SCN1A: variants seen among roughly 807,000 people sequenced by gnomAD.
SCN1A encodes the protein sodium voltage-gated channel alpha subunit 1.
A neutral mutation model predicts 193.7 loss-of-function variants in SCN1A; 13 were observed. The observed-to-expected ratio is 0.07, with a 90% CI of 0.04 to 0.11. SCN1A has a LOEUF of 0.11. Ranked by LOEUF, SCN1A falls within the 10% of genes least tolerant of loss-of-function variation. The probability of loss-of-function intolerance (pLI) is 1.00; values close to 1 mark genes in which losing one functional copy is unlikely to be tolerated. For missense variants in SCN1A, 1,432 were observed against 2,451.1 expected, an observed-to-expected ratio of 0.58 and a Z score of 8.78; for synonymous variants, 781 against 843.6, an observed-to-expected ratio of 0.93 and a Z score of 1.29.
chr2:166,056,569 T>C lies in SCN1A; in HGVS notation c.384-69A>G, dbSNP rs141300300. On this transcript the variant is annotated intron_variant, in intron 5 of 28. Transcript: ENST00000674923. The stretch of plus-strand genomic sequence containing the variant: ...AGTGTTATATTACAAAAAGCTAACA[T>C]TGAAAAGCCCAAACTGCAGCTTAGC... 220 of 1,170,172 alleles carry C rather than the reference T, an allele frequency of 1.9e-4. 1 individual carries two copies. The highest frequency in any genetic ancestry group is 1.7e-4 in the African/African-American group (11 of 66,214). The allele number at this position is 1,170,172 out of a possible 1,614,324, so 72.5% of individuals were successfully genotyped here. A position where few individuals can be genotyped will look rare whatever the true frequency, so the allele number is the denominator to read the frequency against.
chr2:166,096,948 T>TAAAAA (rs1687448702), intron 2 of SCN1A, among the ~76,000 whole-genome samples: 1 of 152,222 alleles, frequency 6.6e-6, no homozygotes, highest in East Asian at 1.9e-4. Flanking sequence ...CAAAACACTC[T>TAAAAA]AAGTGTTCAC....
At chr2:166,029,363 G>A (rs1392987946) in intron 19 of SCN1A, among the ~76,000 whole-genome samples, 1 of 152,054 alleles carries the variant, frequency 6.6e-6, no homozygotes, top group African/African-American at 2.4e-5. Flanking sequence ...TCTGACACTG[G>A]GTAAAGGCCT....
Position 166,118,298 on chromosome 2 carries a change from G to GCTTCTTTTTTTTTTTTTT in SCN1A, c.-142+8625_-142+8626insAAAAAAAAAAAAAAGAAG, listed in dbSNP as rs371947861. On this transcript the variant is annotated intron_variant, in intron 2 of 28. Coordinates refer to ENST00000674923, the MANE Select transcript of SCN1A (RefSeq NM_001165963.4). The stretch of plus-strand genomic sequence containing the variant: ...TTCTTTGCTTACTGATTTCTATTTA[G>GCTTCTTTTTTTTTTTTTT]TTTCTTTTTTTTTTTTTTTTTTTTT... 2.1e-3 allele frequency among the ~76,000 whole-genome samples: 94 copies of GCTTCTTTTTTTTTTTTTT among 44,722 alleles called. 39 individuals carry two copies. The highest frequency in any genetic ancestry group is 3.5e-3 in the African/African-American group (48 of 13,756). The allele number at this position is 44,722 out of a possible 152,430, so 29.3% of individuals were successfully genotyped here. A position where few individuals can be genotyped will look rare whatever the true frequency, so the allele number is the denominator to read the frequency against.
chr2:166,047,085 A>G, intron 11 of SCN1A, 109 bp from the exon 12 acceptor site: 2 of 1,244,950 alleles, frequency 1.6e-6, no homozygotes, highest in African/African-American at 3.0e-5. Context: ...AATAGTAATT[A>G]TGTTGGTCAT....
At chr2:166,001,957 C>A (rs1249351680) in intron 24 of SCN1A, among the ~76,000 whole-genome samples, 1 of 146,134 alleles carries the variant, frequency 6.8e-6, no homozygotes, top group East Asian at 2.0e-4. Flanking sequence ...TGGCACCCAC[C>A]GCTATGCCTG....
upstream of SCN1A, chr2:166,128,154 C>T (rs1370492984): frequency 1.3e-5 from 2 of 151,802 alleles, no homozygotes; most frequent in East Asian, 3.9e-4. Context: ...ATTTCTTCCT[C>T]AACCTCTTTT....
At chr2:166,131,888 G>C (rs1691674867), upstream of SCN1A, among the ~76,000 whole-genome samples, 1 of 152,130 alleles carries the variant, frequency 6.6e-6, no homozygotes, top group Non-Finnish European at 1.5e-5. Flanking sequence ...TTCCCAAAGT[G>C]ATGACCAAAT....
At chr2:166,146,959 T>C (rs546187532) in intron 1 of SCN1A, among the ~76,000 whole-genome samples, 1 of 152,366 alleles carries the variant, frequency 6.6e-6, no homozygotes, top group East Asian at 1.9e-4. Flanking sequence ...TTTAACTATA[T>C]ACAGTAAAAA....
intron 19 of SCN1A, among the ~76,000 whole-genome samples, chr2:166,026,271 A>G (rs1694748584): frequency 1.3e-5 from 2 of 152,154 alleles, no homozygotes; most frequent in South Asian, 4.1e-4. Context: ...AAAAAGTTGT[A>G]TTAAAACCTT....
At chr2:166,071,853 G>C (rs1684456817) in intron 4 of SCN1A, 1 of 151,636 alleles carries the variant, frequency 6.6e-6, no homozygotes, top group Non-Finnish European at 1.5e-5. Context: ...TGGCACCACT[G>C]CACTCCAGTC....
chr2:166,014,896 G>C (rs530935295), intron 20 of SCN1A, among the ~76,000 whole-genome samples: 1 of 151,770 alleles, frequency 6.6e-6, no homozygotes, highest in Non-Finnish European at 1.5e-5. Flanking sequence ...GGAACAAGCT[G>C]CTGTTCCACC....
At chr2:166,111,152 G>T (rs1184246451) in intron 2 of SCN1A, among the ~76,000 whole-genome samples, 1 of 152,094 alleles carries the variant, frequency 6.6e-6, no homozygotes, top group Non-Finnish European at 1.5e-5. Flanking sequence ...TATATTAAAA[G>T]AAGATGCCAT....
intron 1 of SCN1A, among the ~76,000 whole-genome samples, chr2:166,146,852 G>A (rs940703241): frequency 6.6e-6 from 1 of 152,130 alleles, no homozygotes; most frequent in Non-Finnish European, 1.5e-5. Context: ...TAGACTTAAG[G>A]TATACTCAAT....
At chr2:166,122,626 A>G (rs929479897) in intron 2 of SCN1A, among the ~76,000 whole-genome samples, 2 of 152,174 alleles carry the variant, frequency 1.3e-5, no homozygotes, top group Non-Finnish European at 2.9e-5. Flanking sequence ...TTCACCGGGG[A>G]AAGAATTGTC....
intron 23 of SCN1A, among the ~76,000 whole-genome samples, chr2:166,007,700 G>A (rs575380278): frequency 6.6e-6 from 1 of 151,468 alleles, no homozygotes; most frequent in African/African-American, 2.4e-5. Flanking sequence ...ATTCAGTAAT[G>A]TTGCATAAAA....
At chr2:166,020,707 A>C (rs1451640814) in intron 19 of SCN1A, among the ~76,000 whole-genome samples, 1 of 152,214 alleles carries the variant, frequency 6.6e-6, no homozygotes, top group Non-Finnish European at 1.5e-5. Context: ...ACATTAAAAA[A>C]CCATAAAATT....
chr2:166,029,037 T>C (rs959662342), intron 19 of SCN1A, among the ~76,000 whole-genome samples: 4 of 151,942 alleles, frequency 2.6e-5, no homozygotes, highest in Non-Finnish European at 5.9e-5. Context: ...AGAGAAAAGG[T>C]ATAACGATGA....
intron 2 of SCN1A, among the ~76,000 whole-genome samples, chr2:166,125,924 C>T (rs1691198974): frequency 6.6e-6 from 1 of 152,130 alleles, no homozygotes; most frequent in South Asian, 2.1e-4. Flanking sequence ...CAGCAAAATC[C>T]AATGTGTTAT....
chr2:166,040,643 T>C (rs748920431), intron 16 of SCN1A, among the ~76,000 whole-genome samples: 2 of 152,230 alleles, frequency 1.3e-5, no homozygotes, highest in African/African-American at 2.4e-5. Flanking sequence ...AACACTTTAA[T>C]AATTTATGTT....
Sources: gnomAD v4.1 joint callset for allele counts (sites outside exome capture counted in the v4.1 genomes callset) on GRCh38, gnomAD v4.1.1 for gene constraint, MANE v1.5 for transcripts, NCBI Gene and HGNC (gene_info 2026-07-23, HGNC 2026-07-21) for gene names.